Variants in MYO9A observed in about 807,000 individuals in gnomAD.
The protein encoded by MYO9A is unconventional myosin-IXa.
MYO9A carries 103 observed loss-of-function variants against 293.3 expected under a neutral mutation model. That is an observed-to-expected ratio of 0.35 (90% CI 0.30 to 0.41). MYO9A has a LOEUF of 0.41. Among genes scored for constraint, MYO9A ranks in the 10% least tolerant of loss-of-function variants. The probability of loss-of-function intolerance (pLI) is 1.00; values close to 1 mark genes in which losing one functional copy is unlikely to be tolerated. For synonymous variants in MYO9A, 1,001 were observed against 1,035.7 expected, an observed-to-expected ratio of 0.97 and a Z score of 0.64; for missense variants, 2,685 against 3,033.0, an observed-to-expected ratio of 0.89 and a Z score of 2.69.
chr15:71,967,959 C>T (rs1257227833), intron 13 of MYO9A, 25 bp downstream of exon 13: 1 of 1,592,132 alleles, frequency 6.3e-7, no homozygotes. Flanking sequence ...GCCCTGTAAG[C>T]ATATTCAGTG....
At chr15:71,983,620 T>A (rs1447480871) in intron 11 of MYO9A, among the ~76,000 whole-genome samples, 1 of 151,920 alleles carries the variant, frequency 6.6e-6, no homozygotes, top group Non-Finnish European at 1.5e-5. Flanking sequence ...GTAGCTGGGA[T>A]TGCAGGCGGC....
Position 72,077,745 on chromosome 15 carries a change from AAAAAAAAATATATATAT to A in MYO9A, c.-71-31128_-71-31112del, listed in dbSNP as rs1345129172. 3.2e-3 allele frequency among the ~76,000 whole-genome samples: 139 copies of A among 43,590 alleles called. 1 individual carries two copies. The highest frequency in any genetic ancestry group is 1.3e-3 in the Non-Finnish European group (24 of 18,030). 28.6% of individuals were successfully genotyped at this position (43,590 alleles called of 152,430 possible). On this transcript the variant is annotated intron_variant, in intron 1 of 41. Coordinates refer to ENST00000356056, the MANE Select transcript of MYO9A (RefSeq NM_006901.4). ...ACTCTGTCTCAAAGAAAAAAAAAAA[AAAAAAAAATATATATAT>A]ATATATATATATATATATAAACACA...
chr15:71,863,449 A>G (rs2056218894), intron 32 of MYO9A, among the ~76,000 whole-genome samples: 2 of 152,006 alleles, frequency 1.3e-5, no homozygotes, highest in Non-Finnish European at 2.9e-5. Flanking sequence ...AAACAACTAT[A>G]TCTTTAAAGC....
Position 71,897,899 on chromosome 15 carries a change from T to C in MYO9A, c.4604A>G (p.Lys1535Arg). 1 of 1,614,148 alleles carries C rather than the reference T, an allele frequency of 6.2e-7. No homozygotes were observed. The change falls in exon 25 of 42, where the codon AAG (lysine) becomes AGG (arginine). Residue 1535 changes from lysine to arginine, a missense_variant. Coordinates refer to ENST00000356056, the MANE Select transcript of MYO9A (RefSeq NM_006901.4). ...CACCAAACACTCTCCAATTCTTGGC[T>C]TTTCAATTGTCTTGAAGGCTTTGCG... ...KERKAFKTIE[K>R]PRIGECLVAP...
rs572303495 is a variant in MYO9A, at chr15:72,071,383, T to C, written c.-71-24749A>G. Among the ~76,000 whole-genome samples the C allele has an allele frequency of 2.1e-3, 317 of 151,876 alleles. 1 individual carries two copies. The highest frequency in any genetic ancestry group is 7.0e-3 in the African/African-American group (290 of 41,428). ...AGTCAGAATGGCTATTATTAAAAAG[T>C]CAAAAAAATAAGAGATGTTGGCAAG... On this transcript the variant is annotated intron_variant, in intron 1 of 41. Coordinates refer to ENST00000356056, the MANE Select transcript of MYO9A (RefSeq NM_006901.4).
intron 1 of MYO9A, among the ~76,000 whole-genome samples, chr15:72,112,220 T>A (rs77114942): frequency 0.015 from 2,324 of 151,580 alleles, 29 homozygotes; most frequent in South Asian, 0.028. Flanking sequence ...TAAAAAAAAA[T>A]AAATAAATAA....
chr15:71,835,722 CAATCCCAATAAA>C (rs1043948842), intron 39 of MYO9A, among the ~76,000 whole-genome samples: 7 of 152,064 alleles, frequency 4.6e-5, no homozygotes, highest in African/African-American at 1.7e-4. Context: ...AGATCCAATG[CAATCCCAATAAA>C]AATCCCAAGA....
intron 20 of MYO9A, 42 bp downstream of exon 20, chr15:71,904,884 A>T: frequency 3.5e-6 from 5 of 1,424,756 alleles, no homozygotes; most frequent in Non-Finnish European, 4.9e-6. Flanking sequence ...CTCAGTTTGA[A>T]GTAAGCTGAG....
chr15:72,072,784 C>T (rs1008743798), intron 1 of MYO9A, among the ~76,000 whole-genome samples: 3 of 152,082 alleles, frequency 2.0e-5, no homozygotes, highest in African/African-American at 7.2e-5. Context: ...GAAAAACTAC[C>T]TATTGGGTAT....
At chr15:71,976,786 T>G (rs894685037) in intron 12 of MYO9A, among the ~76,000 whole-genome samples, 4 of 152,244 alleles carry the variant, frequency 2.6e-5, no homozygotes, top group Non-Finnish European at 5.9e-5. Context: ...TTAATGGAAG[T>G]TGACTAGTGA....
chr15:71,852,340 A>G (rs2055684943), intron 35 of MYO9A, 80 bp from the exon 36 acceptor site: 47 of 1,275,266 alleles, frequency 3.7e-5, no homozygotes, highest in Non-Finnish European at 4.9e-5. Context: ...AACTATCATC[A>G]TTAAAGGAAG....
At chr15:72,116,736 T>C (rs1215300300) in intron 1 of MYO9A, 1 of 152,264 alleles carries the variant, frequency 6.6e-6, no homozygotes, top group African/African-American at 2.4e-5. Context: ...GACATAGTTA[T>C]ATCCACTAGT....
chr15:72,083,796 A>G (rs1216063880), intron 1 of MYO9A, among the ~76,000 whole-genome samples: 1 of 152,136 alleles, frequency 6.6e-6, no homozygotes, highest in Non-Finnish European at 1.5e-5. Context: ...ATTTCCATGT[A>G]ATTGTATGGT....
intron 35 of MYO9A, chr15:71,852,496 T>C (rs1596030326): frequency 3.5e-6 from 1 of 282,972 alleles, no homozygotes; most frequent in East Asian, 7.8e-5. Context: ...CCGGAGTAGC[T>C]GGGATTACGG....
intron 15 of MYO9A, among the ~76,000 whole-genome samples, chr15:71,942,661 C>T (rs1280281400): frequency 6.6e-6 from 1 of 151,896 alleles, no homozygotes; most frequent in African/African-American, 2.4e-5. Flanking sequence ...CTCATGAATT[C>T]TAAACTAATA....
At chr15:71,860,990 A>AAAAAAAAAAAAAAAAAAAAAAAC (rs2056097797) in intron 33 of MYO9A, among the ~76,000 whole-genome samples, 1 of 150,952 alleles carries the variant, frequency 6.6e-6, no homozygotes, top group African/African-American at 2.4e-5. Flanking sequence ...AAAAAAAAAA[A>AAAAAAAAAAAAAAAAAAAAAAAC]AAAATCAAAC....
At chr15:71,902,019 A>G (rs560686314) in intron 22 of MYO9A, among the ~76,000 whole-genome samples, 1 of 152,238 alleles carries the variant, frequency 6.6e-6, no homozygotes, top group South Asian at 2.1e-4. Context: ...TGAGGCTGCA[A>G]AGGTGAAGGA....
chr15:72,029,720 AT>A (rs1385701393), intron 3 of MYO9A, among the ~76,000 whole-genome samples: 2 of 152,120 alleles, frequency 1.3e-5, no homozygotes, highest in African/African-American at 4.8e-5. Context: ...TATATCTGAT[AT>A]TTTTTTCTCT....
intron 10 of MYO9A, among the ~76,000 whole-genome samples, chr15:71,993,294 G>A (rs535963724): frequency 3.9e-5 from 6 of 151,982 alleles, no homozygotes; most frequent in Non-Finnish European, 8.8e-5. Flanking sequence ...AGGTTGCAAT[G>A]AGCCAAGATC....
Sources: gnomAD v4.1 joint callset for allele counts (sites outside exome capture counted in the v4.1 genomes callset) on GRCh38, gnomAD v4.1.1 for gene constraint, MANE v1.5 for transcripts, NCBI Gene and HGNC (gene_info 2026-07-23, HGNC 2026-07-21) for gene names.